GNA15: variants seen among roughly 807,000 people sequenced by gnomAD.
GNA15 encodes the protein G protein subunit alpha 15, also known as guanine nucleotide-binding protein subunit alpha-15.
GNA15 carries 23 observed loss-of-function variants against 40.1 expected under a neutral mutation model. The ratio of observed to expected loss-of-function variants is 0.57; its 90% CI spans 0.41 to 0.81. The LOEUF (loss-of-function observed/expected upper bound fraction) is 0.81, where lower values mean the gene tolerates loss of function less well. Ranked by LOEUF, GNA15 falls within the 40% of genes least tolerant of loss-of-function variation. The pLI is 0.00. For missense variants in GNA15, 522 were observed against 515.8 expected, an observed-to-expected ratio of 1.01 and a Z score of -0.12; for synonymous variants, 226 against 210.4, an observed-to-expected ratio of 1.07 and a Z score of -0.64.
At chr19:3,139,598 C>CAAA (rs35737557) in intron 1 of GNA15, among the ~76,000 whole-genome samples, 4 of 105,334 alleles carry the variant, frequency 3.8e-5, no homozygotes, top group South Asian at 3.1e-4. Flanking sequence ...GACTCTGTCT[C>CAAA]AAAAAAAAAA....
Position 3,136,571 on chromosome 19 carries a change from G to C in GNA15, c.121G>C (p.Gly41Arg). Residue 41 changes from glycine (G) to arginine (R), a missense_variant, in exon 1 of 7, where the codon GGG (glycine) becomes CGG (arginine). Transcript: ENST00000262958. The surrounding 1 kb of genome is among the most constrained non-coding windows in gnomAD (Gnocchi z 4.9). ...ILLEQKKQDR[G>R]ELKLLLLGPG... ...CTTGGAGCAGAAGAAGCAGGACCGC[G>C]GGGAGCTGAAGCTGCTGCTTTTGGG... 6.4e-7 allele frequency: 1 copy of C among 1,565,116 alleles called. No individual in the cohort carries two copies. Among genetic ancestry groups the C allele is most frequent in the East Asian group, 2.4e-5 (1 of 42,176 alleles).
chr19:3,148,392 G>A (rs1914785637), intron 1 of GNA15, among the ~76,000 whole-genome samples, 199 bp from the exon 2 acceptor site: 1 of 152,148 alleles, frequency 6.6e-6, no homozygotes, highest in South Asian at 2.1e-4. Flanking sequence ...CCAGCCTGAG[G>A]TTCATGTTTT....
chr19:3,147,006 C>T (rs1231992176), intron 1 of GNA15, among the ~76,000 whole-genome samples: 2 of 152,126 alleles, frequency 1.3e-5, no homozygotes, highest in African/African-American at 2.4e-5. Flanking sequence ...TTTGCACAAG[C>T]TGTTACTGTC....
intron 6 of GNA15, among the ~76,000 whole-genome samples, chr19:3,159,450 G>C (rs1368304283): frequency 1.4e-5 from 2 of 147,506 alleles, no homozygotes; most frequent in East Asian, 4.0e-4. Flanking sequence ...GGGTTCAAGG[G>C]ATTCTCCTGC....
In GNA15 at chr19:3,155,578, C is replaced by A. The variant is rs547681083; in HGVS notation, c.615-245C>A. On this transcript the variant is annotated intron_variant, in intron 4 of 6. Transcript: ENST00000262958. This position sits in a 1 kb window ranked among gnomAD's most constrained non-coding sequence, Gnocchi z 5.6. ...CTCTAATATGGGGGTAGAAAGCAGG[C>A]AGCCCAGCACAGTAGAAGCTTGGGA... Among the ~76,000 whole-genome samples, 64 of 152,204 alleles carry A rather than the reference C, an allele frequency of 4.2e-4. No homozygotes were observed. The highest frequency in any genetic ancestry group is 1.0e-4 in the Non-Finnish European group (7 of 68,040).
chr19:3,138,937 CTCTTTTTTTTTTTTTT>C (rs1568291936), intron 1 of GNA15, among the ~76,000 whole-genome samples: 1 of 123,554 alleles, frequency 8.1e-6, no homozygotes, highest in East Asian at 2.4e-4. Flanking sequence ...CGCGCCCAGC[CTCTTTTTTTTTTTTTT>C]TCTTTTTTTT....
intron 1 of GNA15, among the ~76,000 whole-genome samples, chr19:3,138,362 C>T (rs1207946071): frequency 3.5e-5 from 1 of 28,236 alleles, no homozygotes; most frequent in Non-Finnish European, 8.0e-5. Context: ...GCCCCGTTGG[C>T]CTAAGCCCGG....
chr19:3,142,330 A>G (rs901768491), intron 1 of GNA15: 1 of 152,154 alleles, frequency 6.6e-6, no homozygotes, highest in African/African-American at 2.4e-5. Context: ...AATGGATTGC[A>G]AAGAGGGGGT....
intron 6 of GNA15, 132 bp downstream of exon 6, chr19:3,158,013 C>T: frequency 1.0e-5 from 7 of 694,840 alleles, no homozygotes; most frequent in East Asian, 2.5e-5. Flanking sequence ...GTTCTAGACT[C>T]AGCTCCATCC....
intron 1 of GNA15, among the ~76,000 whole-genome samples, chr19:3,140,705 A>G (rs1457688861): frequency 6.6e-6 from 1 of 152,220 alleles, no homozygotes. Flanking sequence ...GCACAGGTGT[A>G]CAATGAGCCT....
At chr19:3,144,817 C>G (rs539507359) in intron 1 of GNA15, among the ~76,000 whole-genome samples, 25 of 146,796 alleles carry the variant, frequency 1.7e-4, no homozygotes, top group African/African-American at 5.6e-4. Flanking sequence ...CGTGAGCCAC[C>G]GGGCCCGGCC....
chr19:3,146,466 G>A (rs1174147716), intron 1 of GNA15: 2 of 151,946 alleles, frequency 1.3e-5, no homozygotes, highest in East Asian at 1.9e-4. Context: ...GCAGGTGCGC[G>A]AACTGGGCTG....
At chr19:3,160,530 C>T (rs62125874) in intron 6 of GNA15, among the ~76,000 whole-genome samples, 26,127 of 152,084 alleles carry the variant, frequency 0.17, 2,546 homozygotes, top group Non-Finnish European at 0.22. Context: ...CATATCAGCC[C>T]GGATTCAAAA....
intron 4 of GNA15, among the ~76,000 whole-genome samples, chr19:3,152,657 T>C (rs996261983): frequency 6.6e-6 from 1 of 152,158 alleles, no homozygotes; most frequent in Non-Finnish European, 1.5e-5. Flanking sequence ...ACTCTGGGAT[T>C]GGCAGTTAGA....
intron 5 of GNA15, among the ~76,000 whole-genome samples, chr19:3,156,206 C>T (rs1352759502): frequency 4.5e-5 from 1 of 21,980 alleles, no homozygotes; most frequent in Non-Finnish European, 8.1e-5. Context: ...ACACACACTA[C>T]AGTGCACACA....
At chr19:3,145,359 A>ATATATATATATAT in intron 1 of GNA15, among the ~76,000 whole-genome samples, 875 of 46,882 alleles carry the variant, frequency 0.019, 30 homozygotes, top group Non-Finnish European at 0.025. Flanking sequence ...ATATATATAT[A>ATATATATATATAT]TTTTTTTTTT....
At chr19:3,141,810 T>G (rs1157793141) in intron 1 of GNA15, 1 of 152,516 alleles carries the variant, frequency 6.6e-6, no homozygotes, top group African/African-American at 2.4e-5. Context: ...CACCTAGAAT[T>G]CTGGTTCCAA....
At chr19:3,162,588 G>C (rs560526705) in intron 6 of GNA15, among the ~76,000 whole-genome samples, 1 of 152,190 alleles carries the variant, frequency 6.6e-6, no homozygotes, top group South Asian at 2.1e-4. Context: ...CACATGACTC[G>C]TGTGAGACAA....
intron 1 of GNA15, among the ~76,000 whole-genome samples, chr19:3,147,509 C>T (rs528507607): frequency 4.7e-5 from 7 of 149,458 alleles, no homozygotes; most frequent in South Asian, 2.1e-4. Flanking sequence ...GCTGAGATTG[C>T]GCCATTGCAC....
Sources: gnomAD v4.1 joint callset for allele counts (sites outside exome capture counted in the v4.1 genomes callset) on GRCh38, gnomAD v4.1.1 for gene constraint, Gnocchi (gnomAD v3.1) non-coding constraint, MANE v1.5 for transcripts, NCBI Gene and HGNC (gene_info 2026-07-23, HGNC 2026-07-21) for gene names.